The following EDN1 variants were observed in gnomAD, a reference collection of about 807,000 sequenced individuals.
EDN1 encodes the protein endothelin-1.
EDN1 carries 11 observed loss-of-function variants against 21.7 expected under a neutral mutation model. The ratio of observed to expected loss-of-function variants is 0.51; its 90% CI spans 0.32 to 0.84. The LOEUF is 0.84. EDN1 is among the 40% of genes least tolerant of loss of function. The pLI is 0.03. For synonymous variants in EDN1, 85 were observed against 90.6 expected, an observed-to-expected ratio of 0.94 and a Z score of 0.35; for missense variants, 244 against 262.3, an observed-to-expected ratio of 0.93 and a Z score of 0.48.
Position 12,294,313 on chromosome 6 carries a change from T to C in EDN1, c.442T>C (p.Cys148Arg), listed in dbSNP as rs901425551. ...GAATAATCATAAGAAAGGAAAAGACTGTTCCAAGCTTGGGAAAAAGTGTAT... is the reference window on the plus strand; with the variant it reads ...GAATAATCATAAGAAAGGAAAAGACCGTTCCAAGCTTGGGAAAAAGTGTAT... ...DWNNHKKGKD[C>R]SKLGKKCIYQ... Residue 148 changes from cysteine (C) to arginine (R), a missense_variant, in exon 4 of 5, where the codon TGT becomes CGT. Coordinates refer to ENST00000379375, the MANE Select transcript of EDN1 (RefSeq NM_001955.5). 4 of 1,614,204 alleles carry C rather than the reference T, an allele frequency of 2.5e-6. No individual in the cohort carries two copies. Among genetic ancestry groups the C allele is most frequent in the Middle Eastern group, 3.3e-4 (2 of 6,062 alleles).
chr6:12,282,556 C>A, the EDN1 span, among the ~76,000 whole-genome samples: 1 of 152,188 alleles, frequency 6.6e-6, no homozygotes, highest in Middle Eastern at 3.2e-3. Flanking sequence ...GGGGCCAGGG[C>A]TCCAGGCCTG....
rs61701314 is a variant in EDN1, at chr6:12,294,920, C to CTT, written c.533+535_533+536dup. ...ACATGCTGTTTTTCAGGTTTATGGTCTTTTTTTTTTTTTTTTTTTTAAATA... is the reference window on the plus strand; with the variant it reads ...ACATGCTGTTTTTCAGGTTTATGGTCTTTTTTTTTTTTTTTTTTTTTTAAATA... On this transcript the variant is annotated intron_variant, in intron 4 of 4. Transcript: ENST00000379375. 7.4e-5 allele frequency among the ~76,000 whole-genome samples: 8 copies of CTT among 107,634 alleles called. 1 individual carries two copies. The highest frequency in any genetic ancestry group is 3.5e-4 in the South Asian group (1 of 2,868). The allele number at this position is 107,634 out of a possible 152,430, so 70.6% of individuals were successfully genotyped here.
At chr6:12,283,083 C>A in the EDN1 span, among the ~76,000 whole-genome samples, 1 of 152,080 alleles carries the variant, frequency 6.6e-6, no homozygotes. Context: ...AGTGCAAAAG[C>A]CAAATCAAAC....
the EDN1 span, among the ~76,000 whole-genome samples, chr6:12,275,723 G>T: frequency 1.3e-5 from 2 of 152,064 alleles, no homozygotes; most frequent in Non-Finnish European, 2.9e-5. Flanking sequence ...TTGCACCCGT[G>T]TCTCCCTTCT....
At chr6:12,288,809 C>A (rs992251251), upstream of EDN1, among the ~76,000 whole-genome samples, 4 of 152,178 alleles carry the variant, frequency 2.6e-5, no homozygotes, top group African/African-American at 9.7e-5. Context: ...AAAGGTTTCC[C>A]AGCATGTGTG....
the EDN1 span, among the ~76,000 whole-genome samples, chr6:12,258,148 C>T: frequency 6.6e-6 from 1 of 151,620 alleles, no homozygotes; most frequent in South Asian, 2.1e-4. Context: ...GAAAATCAGA[C>T]CTTATTCTTT....
chr6:12,271,343 T>A, the EDN1 span, among the ~76,000 whole-genome samples: 5 of 152,262 alleles, frequency 3.3e-5, no homozygotes, highest in East Asian at 5.8e-4. Flanking sequence ...CATTTGTGTA[T>A]CTGCAGTAAT....
At chr6:12,273,604 CTTTTTTTTTT>C in the EDN1 span, among the ~76,000 whole-genome samples, 1 of 83,346 alleles carries the variant, frequency 1.2e-5, no homozygotes, top group African/African-American at 5.1e-5. Flanking sequence ...GTAGGCAGGA[CTTTTTTTTTT>C]TTTTTTTTTT....
At chr6:12,281,880 T>C in the EDN1 span, among the ~76,000 whole-genome samples, 1 of 152,224 alleles carries the variant, frequency 6.6e-6, no homozygotes, top group Non-Finnish European at 1.5e-5. Flanking sequence ...ATTTCTTTCA[T>C]TTTCTATCTA....
the EDN1 span, among the ~76,000 whole-genome samples, chr6:12,266,881 G>C: frequency 6.6e-6 from 1 of 152,140 alleles, no homozygotes; most frequent in Non-Finnish European, 1.5e-5. Flanking sequence ...GAGATGTATA[G>C]TGTCTCTCTC....
At chr6:12,283,236 C>A in the EDN1 span, among the ~76,000 whole-genome samples, 1 of 152,152 alleles carries the variant, frequency 6.6e-6, no homozygotes, top group African/African-American at 2.4e-5. Flanking sequence ...CTTTTCCCAG[C>A]ATACTCATGT....
intron 4 of EDN1, among the ~76,000 whole-genome samples, 194 bp downstream of exon 4, chr6:12,294,598 G>A (rs1424004135): frequency 1.3e-5 from 2 of 152,192 alleles, no homozygotes; most frequent in Non-Finnish European, 2.9e-5. Flanking sequence ...TTTCCATGAA[G>A]CTCTGGAATG....
the EDN1 span, among the ~76,000 whole-genome samples, chr6:12,252,207 G>C: frequency 2.6e-5 from 4 of 152,156 alleles, no homozygotes; most frequent in African/African-American, 4.8e-5. Flanking sequence ...ACTAAAATCT[G>C]GGTCTAATGT....
At position 12,296,473 on chromosome 6, in the gene EDN1, G is replaced by A. The variant is rs1762828361; in HGVS notation, c.*406G>A. The A allele has an allele frequency of 6.1e-6, 1 of 164,060 alleles. No individual in the cohort carries two copies. Among genetic ancestry groups the A allele is most frequent in the Non-Finnish European group, 1.3e-5 (1 of 74,472 alleles). 10.2% of individuals were successfully genotyped at this position (164,060 alleles called of 1,614,324 possible). ...GCACATTTCAGGGAGAAACTCCAAA[G>A]TCCACACAAAGATTTTCTAAGGAAT... On this transcript the variant is annotated 3_prime_UTR_variant, in exon 5 of 5. Transcript: ENST00000379375.
chr6:12,261,835 G>A, the EDN1 span, among the ~76,000 whole-genome samples: 1 of 152,172 alleles, frequency 6.6e-6, no homozygotes, highest in Non-Finnish European at 1.5e-5. Flanking sequence ...TTAAAGGAAG[G>A]GTCAAAAGGG....
At chr6:12,262,732 C>G in the EDN1 span, among the ~76,000 whole-genome samples, 2 of 151,716 alleles carry the variant, frequency 1.3e-5, no homozygotes, top group East Asian at 3.9e-4. Context: ...ATTAGCCGGG[C>G]GTGGTTGTGG....
the EDN1 span, among the ~76,000 whole-genome samples, chr6:12,243,982 G>A: frequency 6.6e-6 from 1 of 152,038 alleles, no homozygotes; most frequent in Admixed American, 6.6e-5. Flanking sequence ...TTATCTCACT[G>A]CAGACTATAA....
At position 12,292,471 on chromosome 6, in the gene EDN1, C is replaced by T. The variant is rs778544643; in HGVS notation, c.195C>T (p.Tyr65=). 6.2e-7 allele frequency: 1 copy of T among 1,614,212 alleles called. No homozygotes were observed. The highest frequency in any genetic ancestry group is 1.7e-5 in the Admixed American group (1 of 60,034). ...CSSLMDKECV[Y]FCHLDIIWVN... ...CCCTGATGGATAAAGAGTGTGTCTA[C>T]TTCTGCCACCTGGACATCATTTGGG... The change falls in exon 2 of 5, where the codon TAC becomes TAT. Residue 65 remains tyrosine, a synonymous_variant. Transcript: ENST00000379375.
intron 1 of EDN1, among the ~76,000 whole-genome samples, chr6:12,291,223 C>T (rs2747708): frequency 1.2e-4 from 17 of 143,632 alleles, no homozygotes; most frequent in Admixed American, 6.2e-4. Context: ...CGCCTCCCCC[C>T]CCCCCCGCCA....
Sources: allele counts gnomAD v4.1 joint callset (sites outside exome capture counted in the v4.1 genomes callset), GRCh38; gene constraint gnomAD v4.1.1; transcripts MANE v1.5; gene names NCBI Gene and HGNC (gene_info 2026-07-23, HGNC 2026-07-21).